Variants in KDM2A observed in about 807,000 individuals in gnomAD.
The protein encoded by KDM2A is lysine-specific demethylase 2A.
In KDM2A, 3 loss-of-function variants were observed where a neutral mutation model predicts 137.3. That is an observed-to-expected ratio of 0.02 (90% confidence interval 0.01 to 0.06). The LOEUF (loss-of-function observed/expected upper bound fraction) is 0.06, where lower values mean the gene tolerates loss of function less well. Among genes scored for constraint, KDM2A ranks in the 10% least tolerant of loss-of-function variants. The probability of loss-of-function intolerance (pLI) is 1.00; values close to 1 mark genes in which losing one functional copy is unlikely to be tolerated. For synonymous variants in KDM2A, 512 were observed against 541.5 expected, an observed-to-expected ratio of 0.95 and a Z score of 0.76; for missense variants, 738 against 1,510.6, an observed-to-expected ratio of 0.49 and a Z score of 8.48.
chr11:67,251,550 G>A (rs1255879795), intron 17 of KDM2A, among the ~76,000 whole-genome samples: 1 of 152,192 alleles, frequency 6.6e-6, no homozygotes, highest in Non-Finnish European at 1.5e-5. Context: ...TATTACAGTA[G>A]TGTGGTGTCC....
At chr11:67,216,468 A>C (rs1590794833) in intron 8 of KDM2A, among the ~76,000 whole-genome samples, 2 of 152,364 alleles carry the variant, frequency 1.3e-5, no homozygotes, top group South Asian at 4.1e-4. Context: ...CCAGCTTGTG[A>C]AAATGCTTCT....
chr11:67,180,978 T>A (rs1392747588), intron 3 of KDM2A, among the ~76,000 whole-genome samples: 3 of 149,888 alleles, frequency 2.0e-5, no homozygotes, highest in Non-Finnish European at 3.0e-5. Flanking sequence ...TTTTTTTTTT[T>A]AACTCTTCAG....
At chr11:67,134,167 A>C (rs1855921673) in intron 2 of KDM2A, among the ~76,000 whole-genome samples, 4 of 152,208 alleles carry the variant, frequency 2.6e-5, no homozygotes, top group Admixed American at 2.6e-4. Flanking sequence ...AGAGAATATG[A>C]GTGGATGAGG....
chr11:67,126,752 T>G (rs188648894), intron 2 of KDM2A, among the ~76,000 whole-genome samples: 33 of 152,112 alleles, frequency 2.2e-4, no homozygotes, highest in Middle Eastern at 6.8e-3. Flanking sequence ...CTTCATTATT[T>G]ACCTATTACG....
At chr11:67,225,710 G>T (rs138916622) in intron 10 of KDM2A, among the ~76,000 whole-genome samples, 1 of 151,328 alleles carries the variant, frequency 6.6e-6, no homozygotes, top group South Asian at 2.1e-4. Flanking sequence ...CACAGGTTGC[G>T]GTGAGCCGAG....
intron 10 of KDM2A, among the ~76,000 whole-genome samples, chr11:67,221,138 A>AT (rs941841788): frequency 6.6e-6 from 1 of 152,152 alleles, no homozygotes; most frequent in Non-Finnish European, 1.5e-5. Flanking sequence ...ATGAGAGCTT[A>AT]TTTTTTAGCA....
intron 5 of KDM2A, among the ~76,000 whole-genome samples, chr11:67,189,819 A>G (rs759525288): frequency 3.5e-4 from 53 of 152,158 alleles, no homozygotes; most frequent in Non-Finnish European, 7.5e-4. Context: ...AGCCGGGGCA[A>G]CAAAGTGAGA....
At chr11:67,208,336 G>C (rs1453766265) in intron 6 of KDM2A, among the ~76,000 whole-genome samples, 2 of 151,794 alleles carry the variant, frequency 1.3e-5, no homozygotes, top group African/African-American at 2.4e-5. Flanking sequence ...GCCTCCCAAA[G>C]TGCTGGGATT....
intron 5 of KDM2A, 136 bp downstream of exon 5, chr11:67,182,028 A>G (rs1454462005): frequency 2.7e-6 from 2 of 740,268 alleles, no homozygotes; most frequent in African/African-American, 3.6e-5. Flanking sequence ...TTCATTAGGA[A>G]CTGAGAATTT....
At chr11:67,173,321 C>T (rs1416921787) in intron 2 of KDM2A, among the ~76,000 whole-genome samples, 1 of 152,208 alleles carries the variant, frequency 6.6e-6, no homozygotes, top group Non-Finnish European at 1.5e-5. Flanking sequence ...GGGGTTTCTC[C>T]GTGTTGATCA....
At position 67,255,279 on chromosome 11, in the gene KDM2A, T is replaced by A. The variant is rs558860908; in HGVS notation, c.*224T>A. ...TAAGGAAAAGGGAGTAGCAGATTGA[T>A]CTGAGGGGAAAGCACAGGCTGTGCT... On this transcript the variant is annotated 3_prime_UTR_variant, in exon 21 of 21. Transcript: ENST00000529006. 2.1e-5 allele frequency: 12 copies of A among 568,652 alleles called. No individual in the cohort carries two copies. In the South Asian group the frequency reaches 2.4e-4, roughly 11 times the overall value. 35.2% of individuals were successfully genotyped at this position (568,652 alleles called of 1,614,324 possible).
chr11:67,197,819 A>G (rs879714059), intron 5 of KDM2A, among the ~76,000 whole-genome samples: 3 of 152,170 alleles, frequency 2.0e-5, no homozygotes, highest in East Asian at 1.9e-4. Flanking sequence ...GAACAATGCA[A>G]CGGCTAGAGG....
rs935986695 is a variant in KDM2A at position 67,119,623 on chromosome 11, G to A, written c.-510G>A. ...CCCCCGGGGCCGGGGCCCGCGTTCCGGGGGGCCGGGGCGGCGCGGGGAGCC... is the reference window on the plus strand; with the variant it reads ...CCCCCGGGGCCGGGGCCCGCGTTCCAGGGGGCCGGGGCGGCGCGGGGAGCC... On this transcript the variant is annotated 5_prime_UTR_variant, in exon 1 of 21. Coordinates refer to ENST00000529006, the MANE Select transcript of KDM2A (RefSeq NM_012308.3). 2 of 149,224 alleles carry A rather than the reference G, an allele frequency of 1.3e-5. No individual in the cohort carries two copies. The highest frequency in any genetic ancestry group is 2.1e-4 in the South Asian group (1 of 4,826). 9.2% of individuals were successfully genotyped at this position (149,224 alleles called of 1,614,324 possible).
intron 5 of KDM2A, among the ~76,000 whole-genome samples, chr11:67,204,616 C>G (rs1050281184): frequency 6.6e-6 from 1 of 151,768 alleles, no homozygotes; most frequent in African/African-American, 2.4e-5. Flanking sequence ...CTCAGTCTCC[C>G]GAGTACCTGG....
chr11:67,184,310 A>G (rs371900856), intron 5 of KDM2A, among the ~76,000 whole-genome samples: 3 of 151,930 alleles, frequency 2.0e-5, no homozygotes, highest in African/African-American at 7.2e-5. Flanking sequence ...CCTGGCCAAC[A>G]TGGGGAAACT....
intron 6 of KDM2A, 83 bp downstream of exon 6, chr11:67,207,771 TC>T: frequency 8.4e-7 from 1 of 1,184,646 alleles, no homozygotes; most frequent in Non-Finnish European, 1.2e-6. Flanking sequence ...ATGCTTGTTA[TC>T]CCAGCACTTT....
At chr11:67,215,666 A>G (rs1858138782) in intron 7 of KDM2A, 190 bp from the exon 8 acceptor site, 3 of 635,534 alleles carry the variant, frequency 4.7e-6, no homozygotes, top group Non-Finnish European at 8.3e-6. Flanking sequence ...ATTTTAGTCA[A>G]TACGGTAGAA....
At chr11:67,224,059 TCTC>T (rs1285906879) in intron 10 of KDM2A, among the ~76,000 whole-genome samples, 1 of 152,188 alleles carries the variant, frequency 6.6e-6, no homozygotes, top group Non-Finnish European at 1.5e-5. Flanking sequence ...GAAAAGTACA[TCTC>T]CTCTCCTGCC....
chr11:67,193,766 C>G (rs1857412450), intron 5 of KDM2A, among the ~76,000 whole-genome samples: 1 of 152,182 alleles, frequency 6.6e-6, no homozygotes, highest in Non-Finnish European at 1.5e-5. Context: ...GAGGCTGAGG[C>G]AGAAGAACTG....
Sources: gnomAD v4.1 joint callset for allele counts (sites outside exome capture counted in the v4.1 genomes callset) on GRCh38, gnomAD v4.1.1 for gene constraint, MANE v1.5 for transcripts, NCBI Gene and HGNC (gene_info 2026-07-23, HGNC 2026-07-21) for gene names.